Variants in DDX10 observed in about 807,000 individuals in gnomAD.
DDX10 encodes the protein DEAD-box helicase 10, also known as probable ATP-dependent RNA helicase DDX10.
DDX10 carries 74 observed loss-of-function variants against 104.3 expected under a neutral mutation model. The ratio of observed to expected loss-of-function variants is 0.71; its 90% CI spans 0.59 to 0.86. The LOEUF (loss-of-function observed/expected upper bound fraction) is 0.86, where lower values mean the gene tolerates loss of function less well. Among genes scored for constraint, DDX10 ranks in the 40% least tolerant of loss-of-function variants. DDX10 has a pLI of 0.00. For synonymous variants in DDX10, 351 were observed against 353.4 expected, an observed-to-expected ratio of 0.99 and a Z score of 0.08; for missense variants, 952 against 1,040.0, an observed-to-expected ratio of 0.92 and a Z score of 1.16.
chr11:108,782,321 A>C (rs776000452), intron 13 of DDX10, among the ~76,000 whole-genome samples: 1 of 152,156 alleles, frequency 6.6e-6, no homozygotes, highest in Non-Finnish European at 1.5e-5. Flanking sequence ...TTCTTCTATC[A>C]ATTCATTTAG....
intron 11 of DDX10, among the ~76,000 whole-genome samples, chr11:108,719,503 A>AT: frequency 6.6e-6 from 1 of 152,278 alleles, no homozygotes; most frequent in South Asian, 2.1e-4. Context: ...TCCAAAGCCT[A>AT]TATTTTCCCC....
chr11:108,868,913 G>A (rs1788200343), intron 16 of DDX10, among the ~76,000 whole-genome samples: 2 of 148,842 alleles, frequency 1.3e-5, no homozygotes, highest in South Asian at 2.1e-4. Flanking sequence ...TTATACAGAT[G>A]AAAAAACTGA....
intron 17 of DDX10, among the ~76,000 whole-genome samples, chr11:108,931,625 A>G (rs1863976353): frequency 6.6e-6 from 1 of 152,242 alleles, no homozygotes; most frequent in African/African-American, 2.4e-5. Flanking sequence ...TTAAGGGGAT[A>G]AAAGGTTCCA....
chr11:108,696,991 A>G (rs1267425644), intron 9 of DDX10, among the ~76,000 whole-genome samples: 1 of 152,312 alleles, frequency 6.6e-6, no homozygotes, highest in South Asian at 2.1e-4. Flanking sequence ...TGCCGTGGTG[A>G]ACATTAAATT....
intron 16 of DDX10, among the ~76,000 whole-genome samples, chr11:108,879,363 T>G (rs971723065): frequency 6.6e-6 from 1 of 152,218 alleles, no homozygotes; most frequent in African/African-American, 2.4e-5. Context: ...ATTAGCTGTA[T>G]TCTTACAAAG....
At chr11:108,783,417 G>A (rs1029170660) in intron 13 of DDX10, among the ~76,000 whole-genome samples, 6 of 152,164 alleles carry the variant, frequency 3.9e-5, no homozygotes, top group African/African-American at 1.4e-4. Context: ...GAGAGGATGA[G>A]TGGGCCACAG....
chr11:108,769,173 C>T (rs2094359865), intron 13 of DDX10, among the ~76,000 whole-genome samples: 1 of 151,834 alleles, frequency 6.6e-6, no homozygotes, highest in African/African-American at 2.4e-5. Context: ...CTTTCATCAG[C>T]ACTGGAAAAT....
chr11:108,842,404 A>G (rs972953967), intron 15 of DDX10, among the ~76,000 whole-genome samples: 11 of 152,202 alleles, frequency 7.2e-5, no homozygotes, highest in Non-Finnish European at 1.6e-4. Context: ...TTGGATGTGA[A>G]CATTGTTAAG....
intron 5 of DDX10, among the ~76,000 whole-genome samples, 193 bp downstream of exon 5, chr11:108,678,628 A>G (rs1270382878): frequency 6.6e-6 from 1 of 152,106 alleles, no homozygotes; most frequent in Non-Finnish European, 1.5e-5. Context: ...AAATCAGAAG[A>G]ATGTATGTAC....
At chr11:108,670,087 A>G (rs528334967) in intron 1 of DDX10, among the ~76,000 whole-genome samples, 12 of 152,384 alleles carry the variant, frequency 7.9e-5, no homozygotes, top group African/African-American at 2.9e-4. Flanking sequence ...TACAGAGGCC[A>G]TGCTCAAAGA....
chr11:108,890,507 C>CT (rs1863361113), intron 16 of DDX10, among the ~76,000 whole-genome samples: 1 of 151,358 alleles, frequency 6.6e-6, no homozygotes, highest in South Asian at 2.1e-4. Flanking sequence ...GCAGCATCCT[C>CT]TTTTTCCCCC....
chr11:108,858,758 T>C (rs1862903640), intron 16 of DDX10, among the ~76,000 whole-genome samples: 1 of 152,212 alleles, frequency 6.6e-6, no homozygotes, highest in African/African-American at 2.4e-5. Context: ...ATATTGATTT[T>C]GCCTTTCTTC....
intron 10 of DDX10, 107 bp downstream of exon 10, chr11:108,706,944 C>T: frequency 1.2e-6 from 1 of 862,108 alleles, no homozygotes; most frequent in South Asian, 1.5e-5. Flanking sequence ...ATTCAACTGC[C>T]TGGTTTGACT....
At chr11:108,757,447 C>T (rs557190604) in intron 13 of DDX10, among the ~76,000 whole-genome samples, 6 of 152,094 alleles carry the variant, frequency 3.9e-5, no homozygotes, top group Admixed American at 2.6e-4. Flanking sequence ...TGTCACACTT[C>T]TATTTATTAT....
intron 17 of DDX10, among the ~76,000 whole-genome samples, chr11:108,934,490 A>C (rs985439299): frequency 6.6e-6 from 1 of 152,214 alleles, no homozygotes; most frequent in Non-Finnish European, 1.5e-5. Flanking sequence ...ACTGAACTGC[A>C]TGAGAATACC....
At chr11:108,820,982 A>G (rs758062042) in intron 13 of DDX10, among the ~76,000 whole-genome samples, 3 of 152,238 alleles carry the variant, frequency 2.0e-5, no homozygotes, top group Non-Finnish European at 4.4e-5. Context: ...ATTGATCTTG[A>G]TTAGCCCAAG....
chr11:108,885,074 C>A (rs1178951557), intron 16 of DDX10, among the ~76,000 whole-genome samples: 1 of 152,170 alleles, frequency 6.6e-6, no homozygotes, highest in Non-Finnish European at 1.5e-5. Context: ...TACAGACATT[C>A]TAATCTCCAC....
intron 13 of DDX10, among the ~76,000 whole-genome samples, chr11:108,780,623 T>C (rs1384398361): frequency 6.6e-6 from 1 of 152,236 alleles, no homozygotes; most frequent in African/African-American, 2.4e-5. Flanking sequence ...TACTTGTCTT[T>C]GTGTCCCAAA....
At chr11:108,669,496 G>A (rs992891644) in intron 1 of DDX10, among the ~76,000 whole-genome samples, 2 of 152,152 alleles carry the variant, frequency 1.3e-5, no homozygotes, top group African/African-American at 4.8e-5. Context: ...AAAATGCATG[G>A]CATTCTTTGA....
Sources: gnomAD v4.1 joint callset for allele counts (sites outside exome capture counted in the v4.1 genomes callset) on GRCh38, gnomAD v4.1.1 for gene constraint, MANE v1.5 for transcripts, NCBI Gene and HGNC (gene_info 2026-07-23, HGNC 2026-07-21) for gene names.